The following OXR1 variants were observed in gnomAD, a reference collection of about 807,000 sequenced individuals.
OXR1 encodes oxidation resistance 1.
Under a neutral mutation model 104.6 loss-of-function variants are expected in OXR1, and 41 were observed. The ratio of observed to expected loss-of-function variants is 0.39; its 90% confidence interval spans 0.31 to 0.51. The LOEUF is 0.51. OXR1 is among the 20% of genes least tolerant of loss of function. The pLI, the probability that OXR1 is intolerant of heterozygous loss-of-function variation, is 0.77. For missense variants in OXR1, 955 were observed against 1,031.9 expected, an observed-to-expected ratio of 0.93 and a Z score of 1.02; for synonymous variants, 348 against 348.4, an observed-to-expected ratio of 1.00 and a Z score of 0.01.
chr8:106,726,357 A>C (rs760959743), intron 11 of OXR1: 9 of 949,664 alleles, frequency 9.5e-6, no homozygotes, highest in Non-Finnish European at 6.1e-6. Flanking sequence ...TAGTCTTTTC[A>C]TGGTGACATT....
At chr8:106,657,995 C>G in intron 3 of OXR1, 1 of 1,248,310 alleles carries the variant, frequency 8.0e-7, no homozygotes, top group Non-Finnish European at 1.0e-6. Context: ...GCATGGACTA[C>G]CTGACGACGT....
intron 2 of OXR1, among the ~76,000 whole-genome samples, chr8:106,477,272 G>C (rs1430141285): frequency 1.3e-5 from 2 of 151,908 alleles, no homozygotes; most frequent in Non-Finnish European, 2.9e-5. Context: ...GTAATTTACT[G>C]GAGAGACAGA....
At chr8:106,733,699 A>G (rs1365879213) in intron 11 of OXR1, among the ~76,000 whole-genome samples, 1 of 151,852 alleles carries the variant, frequency 6.6e-6, no homozygotes, top group East Asian at 2.0e-4. Flanking sequence ...CCCAGCACAC[A>G]TCTGTAGTCC....
intron 3 of OXR1, among the ~76,000 whole-genome samples, chr8:106,646,009 A>G (rs1192288349): frequency 6.6e-6 from 1 of 152,190 alleles, no homozygotes; most frequent in East Asian, 1.9e-4. Flanking sequence ...AAACTACCTA[A>G]CTACTGGTTA....
At chr8:106,425,131 C>T (rs375003656) in intron 2 of OXR1, among the ~76,000 whole-genome samples, 11 of 129,410 alleles carry the variant, frequency 8.5e-5, no homozygotes, top group Admixed American at 5.4e-4. Flanking sequence ...TCACTCCCAT[C>T]GCCCAGGTAG....
At chr8:106,411,764 C>T (rs570963731) in intron 2 of OXR1, among the ~76,000 whole-genome samples, 2 of 152,266 alleles carry the variant, frequency 1.3e-5, no homozygotes, top group South Asian at 2.1e-4. Context: ...CAGGCTACTG[C>T]CTCTGAACCT....
At chr8:106,563,296 CAAAAAAAAAAAAAA>C (rs145929849) in intron 3 of OXR1, among the ~76,000 whole-genome samples, 3 of 125,772 alleles carry the variant, frequency 2.4e-5, no homozygotes, top group African/African-American at 8.9e-5. Flanking sequence ...AAATGGAAAG[CAAAAAAAAAAAAAA>C]AAAAGAAAAA....
chr8:106,511,062 T>C (rs1361665486), intron 2 of OXR1, among the ~76,000 whole-genome samples: 1 of 152,220 alleles, frequency 6.6e-6, no homozygotes, highest in Non-Finnish European at 1.5e-5. Context: ...TGGGCTAGAA[T>C]TGGAATATTC....
At chr8:106,649,057 T>C (rs1473686531) in intron 3 of OXR1, among the ~76,000 whole-genome samples, 2 of 151,962 alleles carry the variant, frequency 1.3e-5, no homozygotes, top group African/African-American at 4.8e-5. Flanking sequence ...CTACAATAAT[T>C]AGTTGGGTGT....
chr8:106,732,868 A>G (rs530224822), intron 11 of OXR1, among the ~76,000 whole-genome samples: 1 of 152,066 alleles, frequency 6.6e-6, no homozygotes, highest in African/African-American at 2.4e-5. Context: ...TTTTATTTCT[A>G]TTAGAGTAAT....
chr8:106,391,647 A>G (rs1025090602), intron 2 of OXR1, among the ~76,000 whole-genome samples: 3 of 152,138 alleles, frequency 2.0e-5, no homozygotes, highest in African/African-American at 7.2e-5. Context: ...ATGAAGGATA[A>G]ATTTATTTGT....
chr8:106,415,098 G>C (rs915203905), intron 2 of OXR1, among the ~76,000 whole-genome samples: 1 of 152,076 alleles, frequency 6.6e-6, no homozygotes, highest in Non-Finnish European at 1.5e-5. Context: ...GAAGTGACAG[G>C]TGACATGTCT....
chr8:106,579,139 T>C (rs929156728), intron 3 of OXR1, among the ~76,000 whole-genome samples: 1 of 152,172 alleles, frequency 6.6e-6, no homozygotes, highest in Non-Finnish European at 1.5e-5. Flanking sequence ...CCTTCTGAAC[T>C]GACTCTGGGT....
intron 2 of OXR1, among the ~76,000 whole-genome samples, chr8:106,447,130 C>T (rs1015346738): frequency 6.6e-6 from 1 of 152,148 alleles, no homozygotes; most frequent in Admixed American, 6.6e-5. Flanking sequence ...TGTGTATCAT[C>T]ATACATATCT....
intron 2 of OXR1, among the ~76,000 whole-genome samples, chr8:106,436,192 TG>T (rs1450895706): frequency 6.6e-6 from 1 of 152,206 alleles, no homozygotes; most frequent in Admixed American, 6.6e-5. Context: ...CTCCTGTTTA[TG>T]TGCCATACAG....
intron 2 of OXR1, among the ~76,000 whole-genome samples, chr8:106,437,576 A>G (rs1819628403): frequency 1.3e-5 from 2 of 152,158 alleles, no homozygotes; most frequent in Non-Finnish European, 2.9e-5. Context: ...GAAAGAAATC[A>G]TGTAAACAAT....
chr8:106,408,729 G>A (rs1172743257), intron 2 of OXR1, among the ~76,000 whole-genome samples: 1 of 152,122 alleles, frequency 6.6e-6, no homozygotes, highest in Non-Finnish European at 1.5e-5. Context: ...GATCTGTCCT[G>A]CAGATCCTGG....
chr8:106,545,156 C>T (rs1815255543), intron 3 of OXR1, among the ~76,000 whole-genome samples: 2 of 152,186 alleles, frequency 1.3e-5, no homozygotes, highest in African/African-American at 2.4e-5. Flanking sequence ...GCCACATGTA[C>T]CCTGGGGGCA....
At position 106,737,574 on chromosome 8, in the gene OXR1, C is replaced by A; in HGVS notation, c.2011C>A (p.Leu671Met). Residue 671 changes from leucine (L) to methionine (M), a missense_variant, in exon 12 of 17, where the codon CTG becomes ATG. Coordinates refer to ENST00000517566, the MANE Select transcript of OXR1 (RefSeq NM_001198533.2). ...GATCGATGCTCTAAATACTGAAGAA[C>A]TGCGCACACTCTGCAGACGCCTCCA... The part of the protein sequence containing the change: ...RRIDALNTEE[L>M]RTLCRRLQIT... 7.1e-7 allele frequency: 1 copy of A among 1,409,886 alleles called. No individual in the cohort carries two copies. Among genetic ancestry groups the A allele is most frequent in the Non-Finnish European group, 9.3e-7 (1 of 1,072,936 alleles). 87.3% of individuals were successfully genotyped at this position (1,409,886 alleles called of 1,614,324 possible). A position where few individuals can be genotyped will look rare whatever the true frequency, so the allele number is the denominator to read the frequency against.
Sources: gnomAD v4.1 joint callset for allele counts (sites outside exome capture counted in the v4.1 genomes callset) on GRCh38, gnomAD v4.1.1 for gene constraint, MANE v1.5 for transcripts, NCBI Gene and HGNC (gene_info 2026-07-23, HGNC 2026-07-21) for gene names.